CPLANE1: variants seen among roughly 807,000 people sequenced by gnomAD.
CPLANE1 encodes the protein ciliogenesis and planar polarity effector 1.
Under a neutral mutation model 362.5 loss-of-function variants are expected in CPLANE1, and 263 were observed. That is an observed-to-expected ratio of 0.73 (90% CI 0.66 to 0.80). The LOEUF (loss-of-function observed/expected upper bound fraction) is 0.80. Among genes scored for constraint, CPLANE1 ranks in the 30% least tolerant of loss-of-function variants. The pLI is 0.00. For synonymous variants in CPLANE1, 1,212 were observed against 1,302.6 expected (o/e 0.93, Z 1.50); for missense variants, 3,461 against 3,793.4 (o/e 0.91, Z 2.30).
Position 37,221,417 on chromosome 5 carries a change from TA to T in CPLANE1, c.2652del (p.Tyr884Ter). 1 of 1,539,784 alleles carries T rather than the reference TA, an allele frequency of 6.5e-7. No homozygotes were observed. Among genetic ancestry groups the T allele is most frequent in the Non-Finnish European group, 8.8e-7 (1 of 1,141,614 alleles). On this transcript the variant is annotated frameshift_variant, in exon 15 of 53. Coordinates refer to ENST00000651892, the MANE Select transcript of CPLANE1 (RefSeq NM_001384732.1). Reference protein sequence around the residue: ...LSLLYCHLYSYNLNDAQGLCD... With the variant: ...LSLLYCHLYSXNLNDAQGLCD... ...CACAATCCTTGAGCATCATTTAAAT[TA>T]TAGCTATAGAGGTGGCAGTATAAGA... is the stretch of plus-strand genomic sequence containing the variant.
the CPLANE1 span, among the ~76,000 whole-genome samples, chr5:37,091,469 C>A: frequency 4.9e-4 from 75 of 152,250 alleles, no homozygotes; most frequent in African/African-American, 1.8e-3. Flanking sequence ...CATATAACCC[C>A]CAAGGACAAG....
rs760728973 is a variant in CPLANE1, at chr5:37,108,489, C to A, written c.9401-18G>T. 1.3e-6 allele frequency: 2 copies of A among 1,594,676 alleles called. No homozygotes were observed. Among genetic ancestry groups the A allele is most frequent in the Non-Finnish European group, 1.7e-6 (2 of 1,171,436 alleles). Reference sequence around the variant, plus strand: ...ATTAGAGCCTTTTAAGGGATAAGAACAAAGCACACATTGGGATTGATTCAT... The same window carrying A: ...ATTAGAGCCTTTTAAGGGATAAGAAAAAAGCACACATTGGGATTGATTCAT... On this transcript the variant is annotated intron_variant, in intron 51 of 52. Transcript: ENST00000651892.
At chr5:37,244,097 G>A (rs543469342) in intron 5 of CPLANE1, among the ~76,000 whole-genome samples, 2 of 151,958 alleles carry the variant, frequency 1.3e-5, no homozygotes, top group South Asian at 2.1e-4. Flanking sequence ...TGATCCACCC[G>A]CCTCAGCCTC....
At chr5:37,224,231 A>C (rs1420797020) in intron 14 of CPLANE1, 22 bp downstream of exon 14, 32 of 1,498,980 alleles carry the variant, frequency 2.1e-5, no homozygotes, top group Non-Finnish European at 2.9e-5. Flanking sequence ...ATTATGGCAC[A>C]TATTTTTTAA....
At chr5:37,163,860 G>C (rs1272230373) in intron 37 of CPLANE1, among the ~76,000 whole-genome samples, 1 of 152,124 alleles carries the variant, frequency 6.6e-6, no homozygotes, top group Non-Finnish European at 1.5e-5. Context: ...GAAGGGGCTG[G>C]AGATTGAGCT....
At chr5:37,096,249 C>T in the CPLANE1 span, among the ~76,000 whole-genome samples, 10 of 151,840 alleles carry the variant, frequency 6.6e-5, no homozygotes, top group African/African-American at 1.7e-4. Flanking sequence ...AGAAGTAAAC[C>T]GAAATACTTA....
intron 12 of CPLANE1, 72 bp from the exon 13 acceptor site, chr5:37,224,812 TA>T: frequency 2.9e-6 from 3 of 1,029,758 alleles, no homozygotes; most frequent in Non-Finnish European, 4.2e-6. Flanking sequence ...CTTTTTAGCC[TA>T]TTTTTTTTTT....
chr5:37,233,274 G>C (rs1006813633), intron 8 of CPLANE1, among the ~76,000 whole-genome samples: 1 of 152,052 alleles, frequency 6.6e-6, no homozygotes, highest in African/African-American at 2.4e-5. Context: ...GGCACTCTCA[G>C]GCACTCCTGG....
chr5:37,089,730 A>T, the CPLANE1 span, among the ~76,000 whole-genome samples: 1 of 152,176 alleles, frequency 6.6e-6, no homozygotes, highest in African/African-American at 2.4e-5. Context: ...TTTTTATATG[A>T]TTCCCCTAGC....
intron 36 of CPLANE1, among the ~76,000 whole-genome samples, chr5:37,164,923 A>G (rs374944267): frequency 6.6e-6 from 1 of 152,094 alleles, no homozygotes; most frequent in Non-Finnish European, 1.5e-5. Context: ...TGGGCAACAC[A>G]GCAAGGTCCC....
At chr5:37,150,521 C>T (rs924626743) in intron 42 of CPLANE1, among the ~76,000 whole-genome samples, 17 of 152,044 alleles carry the variant, frequency 1.1e-4, no homozygotes, top group Middle Eastern at 3.4e-3. Flanking sequence ...AACACACACG[C>T]GCGCACACAC....
intron 43 of CPLANE1, among the ~76,000 whole-genome samples, chr5:37,145,201 G>T (rs1472805768): frequency 6.6e-6 from 1 of 151,668 alleles, no homozygotes; most frequent in Non-Finnish European, 1.5e-5. Context: ...GTTACTTGGG[G>T]GGCTGAGGCA....
At chr5:37,108,200 A>G (rs1303229435) in intron 52 of CPLANE1, 93 bp downstream of exon 52, 1 of 1,281,710 alleles carries the variant, frequency 7.8e-7, no homozygotes, top group African/African-American at 1.5e-5. Context: ...ACATCCCACA[A>G]AAAACAAACT....
the CPLANE1 span, among the ~76,000 whole-genome samples, chr5:37,088,335 G>A: frequency 6.6e-6 from 1 of 152,214 alleles, no homozygotes; most frequent in Non-Finnish European, 1.5e-5. Flanking sequence ...GCTTCTATGA[G>A]CGTGTCAGCT....
Position 37,245,807 on chromosome 5 carries a change from T to C in CPLANE1, c.120A>G (p.Ile40Met), listed in dbSNP as rs1339874659. The C allele has an allele frequency of 2.0e-6, 3 of 1,529,066 alleles. No homozygotes were observed. Among genetic ancestry groups the C allele is most frequent in the Non-Finnish European group, 2.6e-6 (3 of 1,139,606 alleles). The allele number at this position is 1,529,066 out of a possible 1,614,324, so 94.7% of individuals were successfully genotyped here. ...EAVFLLDDKF[I>M]NEINLLSGKI... is the part of the protein sequence containing the mutation. ...TTCCTGATAGCAAATTAATTTCATT[T>C]ATGAATTTATCATCCAAAAGAAAAA... Residue 40 changes from isoleucine (I) to methionine (M), a missense_variant, in exon 3 of 53, where the codon ATA becomes ATG. Transcript: ENST00000651892.
At chr5:37,098,407 A>C in the CPLANE1 span, among the ~76,000 whole-genome samples, 3 of 150,360 alleles carry the variant, frequency 2.0e-5, no homozygotes, top group Non-Finnish European at 4.4e-5. Context: ...AAAAAAAAAA[A>C]AAAAAAAACC....
intron 46 of CPLANE1, 30 bp downstream of exon 46, chr5:37,138,690 C>G (rs1233346111): frequency 6.3e-7 from 1 of 1,586,030 alleles, no homozygotes; most frequent in Non-Finnish European, 8.5e-7. Context: ...GCATTTTAAA[C>G]AGGTTAAAAA....
chr5:37,172,184 T>C (rs905939743), intron 32 of CPLANE1, among the ~76,000 whole-genome samples: 1 of 152,170 alleles, frequency 6.6e-6, no homozygotes, highest in Admixed American at 6.5e-5. Flanking sequence ...TACAAATTTG[T>C]TCCTGAAATT....
At chr5:37,212,029 A>T (rs1036345303) in intron 16 of CPLANE1, 1 of 966,414 alleles carries the variant, frequency 1.0e-6, no homozygotes, top group Admixed American at 1.7e-5. Context: ...CAGCAAGTGA[A>T]AGAACGAAAG....
Sources: gnomAD v4.1 joint callset for allele counts (sites outside exome capture counted in the v4.1 genomes callset) on GRCh38, gnomAD v4.1.1 for gene constraint, MANE v1.5 for transcripts, NCBI Gene and HGNC (gene_info 2026-07-23, HGNC 2026-07-21) for gene names.